The following PCSK5 variants were observed in gnomAD, a reference collection of about 807,000 sequenced individuals.
PCSK5 encodes proprotein convertase subtilisin/kexin type 5.
PCSK5 carries 129 observed loss-of-function variants against 233.2 expected under a neutral mutation model. That is an observed-to-expected ratio of 0.55 (90% CI 0.48 to 0.64). The LOEUF is 0.64. Among genes scored for constraint, PCSK5 ranks in the 30% least tolerant of loss-of-function variants. The pLI, the probability that PCSK5 is intolerant of heterozygous loss-of-function variation, is 0.00. For synonymous variants in PCSK5, 825 were observed against 879.2 expected (o/e 0.94, Z 1.09); for missense variants, 2,076 against 2,430.1 (o/e 0.85, Z 3.06).
intron 1 of PCSK5, among the ~76,000 whole-genome samples, chr9:75,902,612 G>A (rs1042044198): frequency 4.6e-5 from 7 of 152,196 alleles, no homozygotes; most frequent in Admixed American, 3.3e-4. Context: ...GCAGAGAACA[G>A]GCGAAGTCTA....
chr9:76,128,262 G>A (rs1822601513), intron 9 of PCSK5, among the ~76,000 whole-genome samples: 1 of 152,240 alleles, frequency 6.6e-6, no homozygotes, highest in Non-Finnish European at 1.5e-5. Flanking sequence ...TAAAAATGAA[G>A]GCCAGAACTA....
At chr9:76,008,580 G>C (rs190488734) in intron 3 of PCSK5, among the ~76,000 whole-genome samples, 283 of 152,004 alleles carry the variant, frequency 1.9e-3, no homozygotes, top group Middle Eastern at 3.4e-3. Flanking sequence ...TTCTGCCTCA[G>C]CCTCTTGAGT....
At chr9:76,292,192 A>C in intron 24 of PCSK5, 41 bp from the exon 25 acceptor site, 20 of 1,191,936 alleles carry the variant, frequency 1.7e-5, no homozygotes, top group Non-Finnish European at 2.4e-5. Flanking sequence ...CAAATGACGA[A>C]TTCCTCATGA....
At position 76,359,931 on chromosome 9, in the gene PCSK5, CT is replaced by C. The variant is rs1274826635; in HGVS notation, c.*1010del. 2 of 152,086 alleles carry C rather than the reference CT, an allele frequency of 1.3e-5. No homozygotes were observed. Among genetic ancestry groups the C allele is most frequent in the Non-Finnish European group, 2.9e-5 (2 of 68,034 alleles). 9.4% of individuals were successfully genotyped at this position (152,086 alleles called of 1,614,324 possible). On this transcript the variant is annotated 3_prime_UTR_variant, in exon 38 of 38. Transcript: ENST00000674117. ...ATGCTGCTCACAAGCTGTACTCTAG[CT>C]GCTGACCAGCCTTCCAGCACTGCTC...
At chr9:75,944,282 T>C (rs1824460898) in intron 2 of PCSK5, among the ~76,000 whole-genome samples, 1 of 151,886 alleles carries the variant, frequency 6.6e-6, no homozygotes, top group Non-Finnish European at 1.5e-5. Context: ...CCCGTTTATG[T>C]TTTACATTTA....
rs138204144 is a variant in PCSK5 at position 76,027,043 on chromosome 9, G to A, written c.632+6G>A. Reference sequence around the variant, plus strand: ...GATGCAAGCAACGAGAACAAGTAAGGCCCAAGTGAGGGGTGGCTGGCATGT... The same window carrying A: ...GATGCAAGCAACGAGAACAAGTAAGACCCAAGTGAGGGGTGGCTGGCATGT... On this transcript the variant is annotated splice_donor_region_variant and intron_variant, in intron 5 of 37. Coordinates refer to ENST00000674117, the MANE Select transcript of PCSK5 (RefSeq NM_001372043.1). 33 of 1,594,130 alleles carry A rather than the reference G, an allele frequency of 2.1e-5. 2 individuals carry two copies. Among genetic ancestry groups the A allele is most frequent in the Middle Eastern group, 3.3e-4 (2 of 6,006 alleles).
At chr9:75,947,830 C>T (rs1162616074) in intron 2 of PCSK5, among the ~76,000 whole-genome samples, 4 of 152,096 alleles carry the variant, frequency 2.6e-5, no homozygotes, top group African/African-American at 7.2e-5. Context: ...ACTAACCATT[C>T]ACACATTTGC....
intron 5 of PCSK5, among the ~76,000 whole-genome samples, chr9:76,054,835 A>G: frequency 6.6e-6 from 1 of 152,124 alleles, no homozygotes; most frequent in East Asian, 1.9e-4. Context: ...TGGTTTTGAC[A>G]TGCATGTGTG....
intron 20 of PCSK5, chr9:76,209,611 T>A (rs1180329746): frequency 2.0e-6 from 1 of 497,798 alleles, no homozygotes; most frequent in East Asian, 5.6e-5. Context: ...CGTCCAATAG[T>A]CAACTTATTT....
chr9:76,302,099 T>TAAAA, intron 27 of PCSK5, 38 bp from the exon 28 acceptor site: 8 of 856,054 alleles, frequency 9.3e-6, no homozygotes, highest in Admixed American at 3.5e-5. Context: ...CTTTTTGCAT[T>TAAAA]AAAAAAAAAC....
chr9:75,982,026 C>T (rs1456307141), intron 2 of PCSK5, among the ~76,000 whole-genome samples: 1 of 152,178 alleles, frequency 6.6e-6, no homozygotes. Context: ...ACCAGTTTAT[C>T]AGGTTTTTTG....
chr9:76,093,004 T>C (rs753994239), intron 7 of PCSK5, among the ~76,000 whole-genome samples: 2 of 151,988 alleles, frequency 1.3e-5, no homozygotes, highest in Non-Finnish European at 2.9e-5. Context: ...ATAACTTCAA[T>C]TACATTTTCA....
intron 2 of PCSK5, among the ~76,000 whole-genome samples, chr9:75,945,080 G>A (rs1824502179): frequency 6.6e-6 from 1 of 151,832 alleles, no homozygotes; most frequent in Non-Finnish European, 1.5e-5. Flanking sequence ...CTGCACTCCA[G>A]CCCGGGCAAC....
At chr9:76,254,724 T>C (rs1044711597) in intron 24 of PCSK5, among the ~76,000 whole-genome samples, 1 of 152,244 alleles carries the variant, frequency 6.6e-6, no homozygotes, top group African/African-American at 2.4e-5. Flanking sequence ...AGACACGTCT[T>C]GGGAATCTGA....
intron 34 of PCSK5, among the ~76,000 whole-genome samples, chr9:76,333,925 A>T (rs751853331): frequency 6.6e-6 from 1 of 152,156 alleles, no homozygotes; most frequent in Non-Finnish European, 1.5e-5. Context: ...AGAAAGACTG[A>T]CTGTGTTTGT....
chr9:75,945,826 A>C (rs1824540828), intron 2 of PCSK5, among the ~76,000 whole-genome samples: 1 of 152,084 alleles, frequency 6.6e-6, no homozygotes, highest in South Asian at 2.1e-4. Context: ...TCTTTGTATG[A>C]TGGATGCCTT....
chr9:76,035,400 C>T (rs781407008), intron 5 of PCSK5, among the ~76,000 whole-genome samples: 50 of 152,216 alleles, frequency 3.3e-4, no homozygotes, highest in Non-Finnish European at 6.3e-4. Context: ...TAATTATTCC[C>T]AGGCTCGTAA....
Position 76,332,488 on chromosome 9 carries a change from C to G in PCSK5, c.4626C>G (p.Asn1542Lys). 1 of 1,612,540 alleles carries G rather than the reference C, an allele frequency of 6.2e-7. No homozygotes were observed. Among genetic ancestry groups the G allele is most frequent in the Non-Finnish European group, 8.5e-7 (1 of 1,179,552 alleles). The change falls in exon 34 of 38, where the codon AAC becomes AAG. Residue 1542 changes from asparagine (N) to lysine (K), a missense_variant. This residue lies in a region of PCSK5 where 1,510 missense variants were observed against 1,538.1 expected (regional missense o/e 0.98). Transcript: ENST00000674117. Reference sequence around the variant, plus strand: ...GCTATTATGCCGATGAGGACAGCAACCGGTGTGCCCACTGCCACAGCTCTT... The same window carrying G: ...GCTATTATGCCGATGAGGACAGCAAGCGGTGTGCCCACTGCCACAGCTCTT... ...PEGYYADEDS[N>K]RCAHCHSSCR...
intron 24 of PCSK5, among the ~76,000 whole-genome samples, chr9:76,259,678 A>G (rs1348549255): frequency 6.6e-6 from 1 of 152,170 alleles, no homozygotes; most frequent in African/African-American, 2.4e-5. Flanking sequence ...TGCTTACCAC[A>G]TGCAGGTAAG....
Sources: gnomAD v4.1 joint callset for allele counts (sites outside exome capture counted in the v4.1 genomes callset) on GRCh38, gnomAD v4.1.1 for gene constraint, gnomAD v4.1.1 regional missense constraint, MANE v1.5 for transcripts, NCBI Gene and HGNC (gene_info 2026-07-23, HGNC 2026-07-21) for gene names.